Variants in HTR1F observed in about 807,000 individuals in gnomAD.
HTR1F encodes the protein 5-hydroxytryptamine receptor 1F.
Under a neutral mutation model 24.0 loss-of-function variants are expected in HTR1F, and 17 were observed. The ratio of observed to expected loss-of-function variants is 0.71; its 90% confidence interval spans 0.48 to 1.06. The LOEUF (loss-of-function observed/expected upper bound fraction) is 1.06. HTR1F is among the 50% of genes least tolerant of loss of function. HTR1F has a pLI of 0.00. For synonymous variants in HTR1F, 186 were observed against 156.8 expected, an observed-to-expected ratio of 1.19 and a Z score of -1.39; for missense variants, 391 against 427.8, an observed-to-expected ratio of 0.91 and a Z score of 0.76.
chr3:87,905,050 A>C (rs1211808195), intron 2 of HTR1F, among the ~76,000 whole-genome samples: 1 of 151,968 alleles, frequency 6.6e-6, no homozygotes, highest in Admixed American at 6.6e-5. Flanking sequence ...GCTCACACCT[A>C]TTACCCCAAC....
At chr3:87,902,110 T>A (rs1284352603) in intron 2 of HTR1F, among the ~76,000 whole-genome samples, 4 of 152,106 alleles carry the variant, frequency 2.6e-5, no homozygotes, top group Non-Finnish European at 4.4e-5. Context: ...AATTTATATA[T>A]AACATACTCT....
chr3:87,857,710 G>T (rs559134538), intron 2 of HTR1F, among the ~76,000 whole-genome samples: 2 of 152,128 alleles, frequency 1.3e-5, no homozygotes, highest in African/African-American at 4.8e-5. Context: ...TAGTACATTT[G>T]TTACAACTGA....
chr3:87,798,026 A>G (rs1188902255), intron 1 of HTR1F, among the ~76,000 whole-genome samples: 1 of 152,196 alleles, frequency 6.6e-6, no homozygotes, highest in African/African-American at 2.4e-5. Context: ...CCAGCATCCT[A>G]CATTCCTAAA....
chr3:87,917,144 TA>T (rs1456790417), intron 2 of HTR1F, among the ~76,000 whole-genome samples: 1 of 151,676 alleles, frequency 6.6e-6, no homozygotes, highest in African/African-American at 2.4e-5. Flanking sequence ...AAATTAAAAT[TA>T]AAAAATTCTT....
chr3:87,987,112 ATAAAAT>A (rs1705678877), intron 2 of HTR1F, among the ~76,000 whole-genome samples: 1 of 112,486 alleles, frequency 8.9e-6, no homozygotes, highest in African/African-American at 3.1e-5. Flanking sequence ...TCTCAAAAAA[ATAAAAT>A]AAAAATAAAA....
intron 2 of HTR1F, among the ~76,000 whole-genome samples, chr3:87,849,397 C>T (rs1575942360): frequency 6.6e-6 from 1 of 151,858 alleles, no homozygotes; most frequent in South Asian, 2.1e-4. Context: ...GGAAAACTGG[C>T]TAGCCATATG....
At chr3:87,818,876 G>T (rs1704300870) in intron 1 of HTR1F, among the ~76,000 whole-genome samples, 1 of 152,138 alleles carries the variant, frequency 6.6e-6, no homozygotes, top group Non-Finnish European at 1.5e-5. Context: ...GGGTAACTTA[G>T]AATCTACTCC....
chr3:87,890,431 G>T (rs1706053267), intron 2 of HTR1F, among the ~76,000 whole-genome samples: 1 of 152,034 alleles, frequency 6.6e-6, no homozygotes, highest in Admixed American at 6.6e-5. Flanking sequence ...GTTCTAAGAG[G>T]TTTAGTAAAC....
chr3:87,986,759 C>T (rs568088914), intron 2 of HTR1F, among the ~76,000 whole-genome samples: 19 of 152,260 alleles, frequency 1.2e-4, no homozygotes, highest in Admixed American at 2.6e-4. Flanking sequence ...TATTTTTGCT[C>T]ATATTATGAA....
At chr3:87,872,078 G>A (rs568484440) in intron 2 of HTR1F, among the ~76,000 whole-genome samples, 7 of 152,022 alleles carry the variant, frequency 4.6e-5, no homozygotes, top group Non-Finnish European at 7.4e-5. Flanking sequence ...ACAATTAAAT[G>A]GACATAGAAT....
chr3:87,829,704 C>G (rs1272759911), intron 2 of HTR1F, among the ~76,000 whole-genome samples: 4 of 152,162 alleles, frequency 2.6e-5, no homozygotes, highest in Non-Finnish European at 5.9e-5. Context: ...GCAAAACACA[C>G]TTTTATGCTC....
intron 2 of HTR1F, among the ~76,000 whole-genome samples, chr3:87,941,063 G>T (rs755215907): frequency 3.4e-4 from 52 of 152,308 alleles, no homozygotes; most frequent in Admixed American, 1.5e-3. Flanking sequence ...ACTCCTAGAG[G>T]TATTCCTGCT....
At chr3:87,892,001 T>C (rs540289515) in intron 2 of HTR1F, among the ~76,000 whole-genome samples, 9 of 152,246 alleles carry the variant, frequency 5.9e-5, no homozygotes, top group African/African-American at 2.2e-4. Flanking sequence ...CATAGTAGTA[T>C]CTTCTCTTCT....
intron 2 of HTR1F, among the ~76,000 whole-genome samples, chr3:87,879,886 C>T (rs1246398423): frequency 6.6e-6 from 1 of 151,950 alleles, no homozygotes; most frequent in Admixed American, 6.6e-5. Flanking sequence ...GTTATCTATT[C>T]ATAACTCTAA....
At chr3:87,978,588 T>C (rs1483325908) in intron 2 of HTR1F, among the ~76,000 whole-genome samples, 3 of 151,968 alleles carry the variant, frequency 2.0e-5, no homozygotes, top group African/African-American at 7.2e-5. Flanking sequence ...TACCTCCTAT[T>C]TGCAGGCAGG....
chr3:87,986,399 A>G (rs1410081871), intron 2 of HTR1F, among the ~76,000 whole-genome samples: 1 of 152,206 alleles, frequency 6.6e-6, no homozygotes, highest in East Asian at 1.9e-4. Flanking sequence ...CATTAAAAAG[A>G]TTTCTGGAAA....
intron 2 of HTR1F, among the ~76,000 whole-genome samples, chr3:87,859,344 G>C (rs187147359): frequency 6.6e-6 from 1 of 152,154 alleles, no homozygotes; most frequent in Admixed American, 6.5e-5. Context: ...CCTGACTCAG[G>C]GTTCTGGGGA....
chr3:87,847,487 G>A (rs1161387135), intron 2 of HTR1F, among the ~76,000 whole-genome samples: 2 of 151,678 alleles, frequency 1.3e-5, no homozygotes, highest in Non-Finnish European at 2.9e-5. Context: ...ACCAAATCAA[G>A]GTATTTGGGG....
chr3:87,873,981 TA>T (rs993288718), intron 2 of HTR1F, among the ~76,000 whole-genome samples: 19 of 152,056 alleles, frequency 1.2e-4, no homozygotes, highest in African/African-American at 4.6e-4. Context: ...TACCTCAATA[TA>T]ATAAAAGCCA....
Sources: gnomAD v4.1 joint callset for allele counts (sites outside exome capture counted in the v4.1 genomes callset) on GRCh38, gnomAD v4.1.1 for gene constraint, MANE v1.5 for transcripts, NCBI Gene and HGNC (gene_info 2026-07-23, HGNC 2026-07-21) for gene names.